DNAJC1: variants seen among roughly 807,000 people sequenced by gnomAD.
The protein encoded by DNAJC1 is DnaJ heat shock protein family (Hsp40) member C1, also known as dnaJ homolog subfamily C member 1.
In DNAJC1, 58 loss-of-function variants were observed where a neutral mutation model predicts 76.6. The observed-to-expected ratio is 0.76, with a 90% CI of 0.61 to 0.94. The LOEUF (loss-of-function observed/expected upper bound fraction) is 0.94. Ranked by LOEUF, DNAJC1 falls within the 40% of genes least tolerant of loss-of-function variation. The pLI is 0.00. For missense variants in DNAJC1, 689 were observed against 677.3 expected (o/e 1.02, Z -0.19); for synonymous variants, 258 against 267.9 (o/e 0.96, Z 0.36).
intron 6 of DNAJC1, among the ~76,000 whole-genome samples, chr10:21,909,479 G>T (rs1836817802): frequency 6.6e-6 from 1 of 152,154 alleles, no homozygotes; most frequent in African/African-American, 2.4e-5. Context: ...CTAAAATATG[G>T]AATATAGAAT....
At chr10:21,780,598 C>T (rs887406080) in intron 9 of DNAJC1, among the ~76,000 whole-genome samples, 9 of 151,948 alleles carry the variant, frequency 5.9e-5, no homozygotes, top group South Asian at 2.1e-4. Flanking sequence ...GAAGGAAGCA[C>T]GAAATATGGA....
rs11411342 is a variant in DNAJC1 at position 21,944,170 on chromosome 10, G to GTT, written c.223-15031_223-15030dup. ...AATCCATTGTTTTCATCACATAAAG[G>GTT]TTTTTTTTTTTTCATATTATCCTCC... On this transcript the variant is annotated intron_variant, in intron 1 of 11. Coordinates refer to ENST00000376980, the MANE Select transcript of DNAJC1 (RefSeq NM_022365.4). 1.5e-3 allele frequency among the ~76,000 whole-genome samples: 218 copies of GTT among 148,956 alleles called. 1 individual carries two copies. Among genetic ancestry groups the GTT allele is most frequent in the South Asian group, 0.011 (52 of 4,774 alleles).
chr10:21,813,381 G>A (rs2131648270), intron 8 of DNAJC1, among the ~76,000 whole-genome samples: 1 of 129,870 alleles, frequency 7.7e-6, no homozygotes, highest in East Asian at 2.5e-4. Context: ...AAGGTCAAAG[G>A]GCAAACAGTC....
intron 1 of DNAJC1, among the ~76,000 whole-genome samples, chr10:21,988,914 G>A (rs1207436800): frequency 1.3e-5 from 2 of 152,060 alleles, no homozygotes; most frequent in East Asian, 1.9e-4. Context: ...ATAGTTTCAC[G>A]ACAGTTCAGG....
At chr10:21,821,664 T>G (rs1835161356) in intron 8 of DNAJC1, among the ~76,000 whole-genome samples, 1 of 152,144 alleles carries the variant, frequency 6.6e-6, no homozygotes, top group East Asian at 1.9e-4. Flanking sequence ...TCTCCTAGGA[T>G]TCATGATACT....
chr10:21,815,892 C>T (rs1589992690), intron 8 of DNAJC1, among the ~76,000 whole-genome samples: 2 of 151,476 alleles, frequency 1.3e-5, no homozygotes, highest in South Asian at 2.1e-4. Flanking sequence ...ATCACAGGCC[C>T]GCCACCACGT....
intron 6 of DNAJC1, among the ~76,000 whole-genome samples, chr10:21,916,445 C>T (rs184084067): frequency 1.3e-4 from 20 of 152,110 alleles, no homozygotes; most frequent in Admixed American, 1.2e-3. Context: ...GCCGAGATCG[C>T]GCCACTGCAC....
At chr10:21,958,584 G>A (rs753737060) in intron 1 of DNAJC1, among the ~76,000 whole-genome samples, 7 of 151,988 alleles carry the variant, frequency 4.6e-5, no homozygotes, top group Non-Finnish European at 8.8e-5. Flanking sequence ...GTGCCACCAC[G>A]CCCAGCTAAT....
At chr10:21,882,150 T>C (rs1836292030) in intron 8 of DNAJC1, 132 bp downstream of exon 8, 1 of 884,872 alleles carries the variant, frequency 1.1e-6, no homozygotes, top group Non-Finnish European at 1.6e-6. Context: ...CGAGACTCTG[T>C]CTCAAACAAA....
intron 6 of DNAJC1, among the ~76,000 whole-genome samples, chr10:21,912,045 A>G (rs1010982191): frequency 6.6e-6 from 1 of 152,164 alleles, no homozygotes. Context: ...GATGCAATCG[A>G]TAAGTTGAGG....
At chr10:21,830,626 CT>C (rs1172297342) in intron 8 of DNAJC1, among the ~76,000 whole-genome samples, 1 of 152,132 alleles carries the variant, frequency 6.6e-6, no homozygotes, top group African/African-American at 2.4e-5. Flanking sequence ...ATTTCTCTTT[CT>C]TACCAATTCT....
intron 9 of DNAJC1, among the ~76,000 whole-genome samples, chr10:21,780,141 G>A (rs1225439401): frequency 6.6e-6 from 1 of 152,134 alleles, no homozygotes; most frequent in Admixed American, 6.5e-5. Context: ...AAAGTGACGG[G>A]GACAATGGAA....
At chr10:21,839,137 A>C (rs1835525373) in intron 8 of DNAJC1, among the ~76,000 whole-genome samples, 1 of 152,246 alleles carries the variant, frequency 6.6e-6, no homozygotes. Context: ...AAATGTCCAC[A>C]AGAGAAAGCA....
chr10:21,956,389 T>C (rs1360586564), intron 1 of DNAJC1, among the ~76,000 whole-genome samples: 2 of 152,072 alleles, frequency 1.3e-5, no homozygotes, highest in Non-Finnish European at 2.9e-5. Flanking sequence ...ATTTACATCA[T>C]ACTATCATGA....
chr10:21,879,621 C>T (rs780360879), intron 8 of DNAJC1, among the ~76,000 whole-genome samples: 9 of 151,970 alleles, frequency 5.9e-5, no homozygotes, highest in Admixed American at 2.0e-4. Flanking sequence ...GAGACTCTGT[C>T]TCAAAAAAAT....
chr10:21,785,144 A>C (rs1834588547), intron 9 of DNAJC1: 1 of 152,190 alleles, frequency 6.6e-6, no homozygotes, highest in African/African-American at 2.4e-5. Context: ...AGCAATCCAA[A>C]CAGCTTTGTG....
intron 1 of DNAJC1, 39 bp downstream of exon 1, chr10:22,003,174 G>A (rs1474892250): frequency 2.0e-6 from 3 of 1,471,040 alleles, no homozygotes; most frequent in Middle Eastern, 1.9e-4. Flanking sequence ...CGCCTGCCCT[G>A]GCCCCTCTCC....
At chr10:21,877,995 T>A (rs568728946) in intron 8 of DNAJC1, among the ~76,000 whole-genome samples, 19 of 152,328 alleles carry the variant, frequency 1.2e-4, no homozygotes, top group African/African-American at 4.1e-4. Flanking sequence ...TGTACTGTAT[T>A]TATCAATACC....
At chr10:21,842,958 A>C (rs1282026322) in intron 8 of DNAJC1, among the ~76,000 whole-genome samples, 1 of 152,184 alleles carries the variant, frequency 6.6e-6, no homozygotes, top group African/African-American at 2.4e-5. Context: ...CCTTATACAT[A>C]GTAGTCAACA....
Sources: gnomAD v4.1 joint callset for allele counts (sites outside exome capture counted in the v4.1 genomes callset) on GRCh38, gnomAD v4.1.1 for gene constraint, MANE v1.5 for transcripts, NCBI Gene and HGNC (gene_info 2026-07-23, HGNC 2026-07-21) for gene names.